Variants in RIMBP2 observed in about 807,000 individuals in gnomAD.
RIMBP2 encodes the protein RIMS-binding protein 2.
RIMBP2 carries 48 observed loss-of-function variants against 118.6 expected under a neutral mutation model. The ratio of observed to expected loss-of-function variants is 0.40; its 90% confidence interval spans 0.32 to 0.51. The LOEUF (loss-of-function observed/expected upper bound fraction) is 0.51, where lower values mean the gene tolerates loss of function less well. Among genes scored for constraint, RIMBP2 ranks in the 20% least tolerant of loss-of-function variants. The pLI, the probability that RIMBP2 is intolerant of heterozygous loss-of-function variation, is 0.41. For synonymous variants in RIMBP2, 762 were observed against 742.9 expected (o/e 1.03, Z -0.42); for missense variants, 1,551 against 1,768.3 (o/e 0.88, Z 2.20).
chr12:130,714,491 C>T (rs1950189840), intron 1 of RIMBP2, among the ~76,000 whole-genome samples: 1 of 152,100 alleles, frequency 6.6e-6, no homozygotes, highest in Admixed American at 6.5e-5. Flanking sequence ...GGGGCGGCCC[C>T]CATAGCGCCA....
Position 130,442,249 on chromosome 12 carries a change from T to C in RIMBP2, c.1103A>G (p.Lys368Arg), listed in dbSNP as rs760475965. ...CATGTTGAGCTTCTCGATGAGGGCT[T>C]TAGTTCTGCTCCCCAGCGTGAGGTT... ...RMNLTLGSRTKALIEKLNMAA... is the reference protein window; with the variant it reads ...RMNLTLGSRTRALIEKLNMAA... The change falls in exon 11 of 23, where the codon AAA becomes AGA. Residue 368 changes from lysine (K) to arginine (R), a missense_variant. Coordinates refer to ENST00000690449, the MANE Select transcript of RIMBP2 (RefSeq NM_001393629.1). This position sits in a 1 kb window ranked among gnomAD's most constrained non-coding sequence, Gnocchi z 6.9. The C allele has an allele frequency of 6.2e-7, 1 of 1,614,148 alleles. No homozygotes were observed. Among genetic ancestry groups the C allele is most frequent in the South Asian group, 1.1e-5 (1 of 91,070 alleles).
intron 4 of RIMBP2, among the ~76,000 whole-genome samples, chr12:130,494,914 G>A (rs1159301367): frequency 1.3e-5 from 2 of 152,208 alleles, no homozygotes; most frequent in African/African-American, 4.8e-5. Context: ...TGTCGGCAGG[G>A]CCGGATCCTC....
At chr12:130,709,328 A>C (rs1031028779) in intron 1 of RIMBP2, among the ~76,000 whole-genome samples, 9 of 152,196 alleles carry the variant, frequency 5.9e-5, no homozygotes, top group African/African-American at 2.2e-4. Flanking sequence ...GCCAGGTCTC[A>C]GCCACTCGCT....
chr12:130,467,524 A>G (rs1301894920), intron 6 of RIMBP2, among the ~76,000 whole-genome samples: 1 of 152,188 alleles, frequency 6.6e-6, no homozygotes, highest in Admixed American at 6.5e-5. Flanking sequence ...CATTATCCTT[A>G]AAAACTCCAG....
Position 130,431,318 on chromosome 12 carries a change from G to C in RIMBP2, c.2254-2981C>G, listed in dbSNP as rs556650816. On this transcript the variant is annotated intron_variant, in intron 14 of 22. Transcript: ENST00000690449. This position sits in a 1 kb window ranked among gnomAD's most constrained non-coding sequence, Gnocchi z 4.0. ...GCCAGGGGGTAAGGGCTCATGTGACGGGGCGGGCAGCATGGGGAAGCGGAT... is the reference window on the plus strand; with the variant it reads ...GCCAGGGGGTAAGGGCTCATGTGACCGGGCGGGCAGCATGGGGAAGCGGAT... 3.8e-6 allele frequency: 1 copy of C among 264,024 alleles called. No homozygotes were observed. Among genetic ancestry groups the C allele is most frequent in the Non-Finnish European group, 8.4e-6 (1 of 119,244 alleles). The allele number at this position is 264,024 out of a possible 1,614,324, so 16.4% of individuals were successfully genotyped here.
Position 130,523,330 on chromosome 12 carries a change from C to T in RIMBP2, c.-216-5413G>A, listed in dbSNP as rs1286958792. 1.3e-5 allele frequency among the ~76,000 whole-genome samples: 2 copies of T among 152,232 alleles called. No homozygotes were observed. The highest frequency in any genetic ancestry group is 2.1e-4 in the South Asian group (1 of 4,828). On this transcript the variant is annotated intron_variant, in intron 2 of 22. Coordinates refer to ENST00000690449, the MANE Select transcript of RIMBP2 (RefSeq NM_001393629.1). This position sits in a 1 kb window ranked among gnomAD's most constrained non-coding sequence, Gnocchi z 4.4. ...TCGCACCAGGAACCGAATCAGCCAGCACCTTGGTCTTAGACTTCCAGCCTC... is the reference window on the plus strand; with the variant it reads ...TCGCACCAGGAACCGAATCAGCCAGTACCTTGGTCTTAGACTTCCAGCCTC...
At position 130,428,338 on chromosome 12, in the gene RIMBP2, C is replaced by CT; in HGVS notation, c.2254-2dup. The stretch of plus-strand genomic sequence containing the variant: ...ACTCGTCTCCATGGCAACAGTGCGG[C>CT]TGGGGGCCAAGAAAAGGGGCTACTG... On this transcript the variant is annotated splice_acceptor_variant, in intron 14 of 22. Transcript: ENST00000690449. LOFTEE classifies it high-confidence loss of function. The CT allele has an allele frequency of 2.5e-6, 4 of 1,603,508 alleles. No individual in the cohort carries two copies. Among genetic ancestry groups the CT allele is most frequent in the Non-Finnish European group, 3.4e-6 (4 of 1,174,688 alleles).
intron 2 of RIMBP2, among the ~76,000 whole-genome samples, chr12:130,539,114 T>G (rs1037365762): frequency 2.6e-5 from 4 of 152,216 alleles, no homozygotes; most frequent in African/African-American, 9.6e-5. Flanking sequence ...CACACCCATA[T>G]TCATTCATTT....
intron 17 of RIMBP2, among the ~76,000 whole-genome samples, chr12:130,415,202 C>T (rs1241769208): frequency 1.3e-5 from 2 of 152,164 alleles, no homozygotes; most frequent in African/African-American, 2.4e-5. Context: ...GACAATTCAC[C>T]ATGATCAAGT....
At position 130,610,551 on chromosome 12, in the gene RIMBP2, C is replaced by CTTTTT. The variant is rs386378269; in HGVS notation, c.-217+17766_-217+17770dup. Reference sequence around the variant, plus strand: ...GTGACTCATCAAAGTAATTTTCCTGCTTTTTTTTTTTTTTTTTTTTTTTTT... The same window carrying CTTTTT: ...GTGACTCATCAAAGTAATTTTCCTGCTTTTTTTTTTTTTTTTTTTTTTTTTTTTTT... On this transcript the variant is annotated intron_variant, in intron 2 of 22. Transcript: ENST00000690449. Among the ~76,000 whole-genome samples the CTTTTT allele has an allele frequency of 1.8e-3, 149 of 81,566 alleles. 26 individuals carry two copies. The highest frequency in any genetic ancestry group is 5.2e-3 in the African/African-American group (113 of 21,582). The allele number at this position is 81,566 out of a possible 152,430, so 53.5% of individuals were successfully genotyped here. A position where few individuals can be genotyped will look rare whatever the true frequency, so the allele number is the denominator to read the frequency against.
intron 14 of RIMBP2, 127 bp from the exon 15 acceptor site, chr12:130,428,464 A>G (rs1345268823): frequency 2.1e-6 from 2 of 934,840 alleles, no homozygotes; most frequent in Non-Finnish European, 3.2e-6. Context: ...AGAGACGGGC[A>G]CAGGGTGTGT....
Position 130,419,906 on chromosome 12 carries a change from C to G in RIMBP2, c.3238+2547G>C, listed in dbSNP as rs2076312401. ...AAGCCACATAATTTTGTTTTTTAAT[C>G]ATGAAGGACATTTTTTAAATTTTGG... On this transcript the variant is annotated intron_variant, in intron 17 of 22. Transcript: ENST00000690449. The surrounding 1 kb of genome is among the most constrained non-coding windows in gnomAD (Gnocchi z 4.3). 1 of 152,014 alleles carries G rather than the reference C, an allele frequency of 6.6e-6. No individual in the cohort carries two copies. Among genetic ancestry groups the G allele is most frequent in the Non-Finnish European group, 1.5e-5 (1 of 68,024 alleles). 9.4% of individuals were successfully genotyped at this position (152,014 alleles called of 1,614,324 possible).
intron 2 of RIMBP2, among the ~76,000 whole-genome samples, chr12:130,564,915 A>G (rs2057106508): frequency 6.6e-6 from 1 of 152,230 alleles, no homozygotes; most frequent in Non-Finnish European, 1.5e-5. Flanking sequence ...AGGAAACCCA[A>G]GAAAACTTTT....
chr12:130,561,221 C>T (rs1156919189), intron 2 of RIMBP2, among the ~76,000 whole-genome samples: 1 of 152,196 alleles, frequency 6.6e-6, no homozygotes. Context: ...GCCTCCAGAA[C>T]TGGGAGAGAA....
chr12:130,674,378 C>A lies in RIMBP2; in HGVS notation c.-352+41844G>T, dbSNP rs77937052. On this transcript the variant is annotated intron_variant, in intron 1 of 22. Transcript: ENST00000690449. ...TACCCAGTCTCAGGTAGTTCTTTAC[C>A]GCAGTGTGAGAATGGACTCACACAG... Among the ~76,000 whole-genome samples, 581 of 152,232 alleles carry A rather than the reference C, an allele frequency of 3.8e-3. 5 individuals carry two copies. The highest frequency in any genetic ancestry group is 0.013 in the African/African-American group (550 of 41,548).
chr12:130,555,246 A>G (rs960404983), intron 2 of RIMBP2, among the ~76,000 whole-genome samples: 14 of 152,204 alleles, frequency 9.2e-5, no homozygotes, highest in Non-Finnish European at 4.4e-5. Flanking sequence ...GCTTATGTTG[A>G]ACAATCAGAT....
At chr12:130,702,452 G>T (rs1320806644) in intron 1 of RIMBP2, among the ~76,000 whole-genome samples, 3 of 152,024 alleles carry the variant, frequency 2.0e-5, no homozygotes, top group Non-Finnish European at 4.4e-5. Flanking sequence ...GGAGGCAGAG[G>T]TTGCAGTGAG....
intron 1 of RIMBP2, among the ~76,000 whole-genome samples, chr12:130,682,626 C>T (rs1008000250): frequency 4.6e-5 from 7 of 152,354 alleles, no homozygotes; most frequent in Non-Finnish European, 1.0e-4. Context: ...CCAAAAAATT[C>T]AAAACATATC....
At chr12:130,460,176 G>A (rs1195956923) in intron 6 of RIMBP2, among the ~76,000 whole-genome samples, 1 of 152,158 alleles carries the variant, frequency 6.6e-6, no homozygotes, top group East Asian at 1.9e-4. Context: ...TCACAGGCCT[G>A]GGTGTTCATC....
Sources: allele counts gnomAD v4.1 joint callset (sites outside exome capture counted in the v4.1 genomes callset), GRCh38; gene constraint gnomAD v4.1.1; non-coding constraint Gnocchi (gnomAD v3.1); transcripts MANE v1.5; gene names NCBI Gene and HGNC (gene_info 2026-07-23, HGNC 2026-07-21).